FBN1: variants seen among roughly 807,000 people sequenced by gnomAD.
The protein encoded by FBN1 is fibrillin-1.
A neutral mutation model predicts 365.1 loss-of-function variants in FBN1; 29 were observed. The ratio of observed to expected loss-of-function variants is 0.08; its 90% CI spans 0.06 to 0.11. The LOEUF is 0.11. Ranked by LOEUF, FBN1 falls within the 10% of genes least tolerant of loss-of-function variation. FBN1 has a pLI of 1.00. For missense variants in FBN1, 2,476 were observed against 3,703.2 expected (o/e 0.67, Z 8.60); for synonymous variants, 1,210 against 1,270.5 (o/e 0.95, Z 1.01).
At chr15:48,499,132 A>T in intron 17 of FBN1, 94 bp from the exon 18 acceptor site, 1 of 1,255,308 alleles carries the variant, frequency 8.0e-7, no homozygotes, top group Non-Finnish European at 1.2e-6. Flanking sequence ...CTCCAAAGTG[A>T]GTAGAACCAA....
At chr15:48,448,027 T>C (rs1332062527) in intron 46 of FBN1, among the ~76,000 whole-genome samples, 4 of 152,078 alleles carry the variant, frequency 2.6e-5, no homozygotes, top group Admixed American at 6.6e-5. Context: ...CAGTGATGAG[T>C]AGGGCTGTCA....
intron 9 of FBN1, among the ~76,000 whole-genome samples, chr15:48,525,514 G>A (rs991284731): frequency 3.3e-5 from 5 of 152,182 alleles, no homozygotes; most frequent in Admixed American, 1.3e-4. Context: ...GGGGGGACAA[G>A]AGCCCTTTCC....
intron 6 of FBN1, among the ~76,000 whole-genome samples, chr15:48,593,545 T>A (rs1416862424): frequency 6.6e-6 from 1 of 152,204 alleles, no homozygotes; most frequent in African/African-American, 2.4e-5. Flanking sequence ...CTGTTTAGCA[T>A]GAAACCAATG....
At chr15:48,548,699 T>C (rs1326891411) in intron 6 of FBN1, among the ~76,000 whole-genome samples, 1 of 152,114 alleles carries the variant, frequency 6.6e-6, no homozygotes, top group African/African-American at 2.4e-5. Flanking sequence ...GTTCGGAAAG[T>C]GTATATGGTT....
At chr15:48,585,198 C>T (rs1476788893) in intron 6 of FBN1, among the ~76,000 whole-genome samples, 4 of 152,224 alleles carry the variant, frequency 2.6e-5, no homozygotes, top group African/African-American at 9.6e-5. Flanking sequence ...GTCAACAATG[C>T]CTCCTAGGAG....
At chr15:48,489,676 TTGGAC>T (rs2043538994) in intron 25 of FBN1, among the ~76,000 whole-genome samples, 170 bp downstream of exon 25, 1 of 152,110 alleles carries the variant, frequency 6.6e-6, no homozygotes, top group African/African-American at 2.4e-5. Flanking sequence ...CCAGGACTTC[TTGGAC>T]CAAACAGTTA....
chr15:48,628,133 G>A (rs1423330844), intron 2 of FBN1, among the ~76,000 whole-genome samples: 1 of 152,154 alleles, frequency 6.6e-6, no homozygotes, highest in Non-Finnish European at 1.5e-5. Flanking sequence ...GATGTGCCTG[G>A]CACACATGCA....
intron 5 of FBN1, among the ~76,000 whole-genome samples, chr15:48,598,701 C>T (rs1014225736): frequency 6.6e-6 from 1 of 152,184 alleles, no homozygotes; most frequent in African/African-American, 2.4e-5. Flanking sequence ...CCTCAAGACT[C>T]AGCCCAAGGA....
At chr15:48,445,937 A>G (rs2043154852) in intron 47 of FBN1, among the ~76,000 whole-genome samples, 1 of 152,110 alleles carries the variant, frequency 6.6e-6, no homozygotes. Flanking sequence ...ACTCTTGCCT[A>G]GTATGTTTTA....
At chr15:48,464,317 C>T (rs1005353212) in intron 40 of FBN1, among the ~76,000 whole-genome samples, 1 of 152,058 alleles carries the variant, frequency 6.6e-6, no homozygotes, top group Non-Finnish European at 1.5e-5. Flanking sequence ...TCCAGACTAG[C>T]CTGGCCAACA....
At chr15:48,636,187 GAAGA>G (rs1890087315) in intron 2 of FBN1, among the ~76,000 whole-genome samples, 1 of 152,282 alleles carries the variant, frequency 6.6e-6, no homozygotes, top group African/African-American at 2.4e-5. Context: ...GGCTAAGTTT[GAAGA>G]AAGTCTGGTA....
intron 6 of FBN1, among the ~76,000 whole-genome samples, chr15:48,546,010 AAAAG>A (rs777675180): frequency 1.1e-4 from 17 of 152,226 alleles, no homozygotes; most frequent in East Asian, 3.9e-4. Flanking sequence ...CCTGTATCAA[AAAAG>A]AAAGAAAGAA....
rs9806595 is a variant in FBN1 at position 48,462,971 on chromosome 15, T to C, written c.5224+111A>G. The C allele has an allele frequency of 0.25, 272,566 of 1,090,194 alleles. 37,767 individuals are homozygous for C. The highest frequency in any genetic ancestry group is 0.52 in the African/African-American group (33,805 of 64,620). The allele number at this position is 1,090,194 out of a possible 1,614,324, so 67.5% of individuals were successfully genotyped here. On this transcript the variant is annotated intron_variant, in intron 42 of 65. Coordinates refer to ENST00000316623, the MANE Select transcript of FBN1 (RefSeq NM_000138.5). ...TTAAATCATGAGCCGTTTTTTTCCC[T>C]GTAAAGATAAACAATGCACACTTTG...
In FBN1 at chr15:48,494,258, T is replaced by C. The variant is rs2141302496; in HGVS notation, c.2678-4A>G. 1 of 1,612,130 alleles carries C rather than the reference T, an allele frequency of 6.2e-7. No homozygotes were observed. The highest frequency in any genetic ancestry group is 1.1e-5 in the South Asian group (1 of 91,038). The stretch of plus-strand genomic sequence containing the variant: ...TACCCTTTACCACATATGGGATCTG[T>C]AATAAAAAGCGAAAAACAAAACAGA... On this transcript the variant is annotated splice_polypyrimidine_tract_variant and splice_region_variant and intron_variant, in intron 22 of 65. Coordinates refer to ENST00000316623, the MANE Select transcript of FBN1 (RefSeq NM_000138.5).
At chr15:48,532,126 A>T (rs1211920562) in intron 8 of FBN1, among the ~76,000 whole-genome samples, 1 of 152,230 alleles carries the variant, frequency 6.6e-6, no homozygotes, top group Non-Finnish European at 1.5e-5. Context: ...TTAAATTAGA[A>T]TCTTCTGTCT....
intron 15 of FBN1, among the ~76,000 whole-genome samples, chr15:48,506,174 G>A (rs1418133271): frequency 2.6e-5 from 4 of 152,180 alleles, no homozygotes; most frequent in African/African-American, 9.7e-5. Context: ...AGTGAGCTGA[G>A]ATTGTGCCAC....
intron 2 of FBN1, among the ~76,000 whole-genome samples, chr15:48,636,567 G>A (rs1890096519): frequency 6.6e-6 from 1 of 152,098 alleles, no homozygotes; most frequent in Admixed American, 6.6e-5. Context: ...CCATCCCGGG[G>A]GCAGGTTCAG....
chr15:48,479,335 C>A (rs2043449552), intron 32 of FBN1, among the ~76,000 whole-genome samples: 1 of 152,188 alleles, frequency 6.6e-6, no homozygotes, highest in Non-Finnish European at 1.5e-5. Context: ...CAGGTCAGGG[C>A]TGTTACTTAC....
At chr15:48,437,205 A>G in intron 52 of FBN1, 117 bp downstream of exon 52, 1 of 1,155,666 alleles carries the variant, frequency 8.7e-7, no homozygotes. Context: ...ATCTAAATGA[A>G]GGGACAAAAA....
Sources: gnomAD v4.1 joint callset for allele counts (sites outside exome capture counted in the v4.1 genomes callset) on GRCh38, gnomAD v4.1.1 for gene constraint, MANE v1.5 for transcripts, NCBI Gene and HGNC (gene_info 2026-07-23, HGNC 2026-07-21) for gene names.